HIRA: variants seen among roughly 807,000 people sequenced by gnomAD.
The protein encoded by HIRA is protein HIRA.
Under a neutral mutation model 126.6 loss-of-function variants are expected in HIRA, and 13 were observed. The ratio of observed to expected loss-of-function variants is 0.10; its 90% CI spans 0.07 to 0.16. The LOEUF is 0.16. Among genes scored for constraint, HIRA ranks in the 10% least tolerant of loss-of-function variants. HIRA has a pLI of 1.00. For synonymous variants in HIRA, 511 were observed against 520.0 expected (o/e 0.98, Z 0.24); for missense variants, 834 against 1,314.4 (o/e 0.63, Z 5.65).
At chr22:19,404,354 A>G (rs1180967777) in intron 5 of HIRA, among the ~76,000 whole-genome samples, 1 of 152,162 alleles carries the variant, frequency 6.6e-6, no homozygotes, top group Non-Finnish European at 1.5e-5. Flanking sequence ...AGGGCCTTGT[A>G]AAAGTCCTCA....
Position 19,414,549 on chromosome 22 carries a change from G to A in HIRA, c.38-3771C>T, listed in dbSNP as rs527592825. On this transcript the variant is annotated intron_variant, in intron 1 of 24. Transcript: ENST00000263208. ...AGCTGACTGGAACACATGTGCATAT[G>A]TCCTTTTGGAATGAAGCTTGGGAAA... Among the ~76,000 whole-genome samples, 3 of 152,328 alleles carry A rather than the reference G, an allele frequency of 2.0e-5. No individual in the cohort carries two copies. In the South Asian group the frequency reaches 6.2e-4, roughly 32 times the overall value.
chr22:19,427,220 C>T (rs887536158), intron 1 of HIRA, among the ~76,000 whole-genome samples: 13 of 152,194 alleles, frequency 8.5e-5, no homozygotes, highest in African/African-American at 3.1e-4. Flanking sequence ...CCCTGCCCAA[C>T]CCTGTTGTGA....
At chr22:19,379,958 G>T (rs2089057989) in intron 13 of HIRA, among the ~76,000 whole-genome samples, 1 of 152,004 alleles carries the variant, frequency 6.6e-6, no homozygotes, top group African/African-American at 2.4e-5. Context: ...ACAGGGGCGT[G>T]CCACCACGCC....
intron 7 of HIRA, among the ~76,000 whole-genome samples, chr22:19,395,216 G>C (rs575394750): frequency 1.3e-5 from 2 of 152,246 alleles, no homozygotes; most frequent in Non-Finnish European, 2.9e-5. Flanking sequence ...GTGGGCCCAG[G>C]GCAGCTCTAA....
chr22:19,431,319 C>T, intron 1 of HIRA, 121 bp downstream of exon 1: 1 of 1,165,260 alleles, frequency 8.6e-7, no homozygotes, highest in South Asian at 1.2e-5. Context: ...GGCTTCTTGG[C>T]TTGGGCACCG....
chr22:19,368,346 T>C (rs2146203657), intron 15 of HIRA, among the ~76,000 whole-genome samples: 1 of 152,314 alleles, frequency 6.6e-6, no homozygotes. Context: ...TCTAATGTCC[T>C]ACAACAGGGC....
chr22:19,331,380 T>G lies in HIRA; in HGVS notation c.*60A>C. The G allele has an allele frequency of 2.5e-6, 4 of 1,609,790 alleles. No homozygotes were observed. Among genetic ancestry groups the G allele is most frequent in the Non-Finnish European group, 2.5e-6 (3 of 1,179,396 alleles). On this transcript the variant is annotated 3_prime_UTR_variant, in exon 25 of 25. Transcript: ENST00000263208. ...TGGTCAGGTGAGAGGCGGTCCTGCATGTCATCAGCGGCGAGAGTGTGGCCC... is the reference window on the plus strand; with the variant it reads ...TGGTCAGGTGAGAGGCGGTCCTGCAGGTCATCAGCGGCGAGAGTGTGGCCC...
Position 19,394,427 on chromosome 22 carries a change from G to C in HIRA, c.737C>G (p.Ser246Ter). 6.2e-7 allele frequency: 1 copy of C among 1,614,100 alleles called. No homozygotes were observed. Among genetic ancestry groups the C allele is most frequent in the Non-Finnish European group, 8.5e-7 (1 of 1,180,016 alleles). ...TTCGATGATCTGGGCAGTGGGGCCT[G>C]AGTTGTTCATGGCATGGGCAGACAC... Reference protein sequence around the residue: ...YLVSAHAMNNSGPTAQIIERE... With the variant: ...YLVSAHAMNN Residue 246 changes from serine (S) to a stop codon, truncating the protein, a stop_gained, in exon 8 of 25, where the codon TCA becomes TGA. Transcript: ENST00000263208. LOFTEE classifies it high-confidence loss of function.
At chr22:19,404,792 G>C (rs916953921) in intron 5 of HIRA, among the ~76,000 whole-genome samples, 1 of 152,146 alleles carries the variant, frequency 6.6e-6, no homozygotes, top group Non-Finnish European at 1.5e-5. Context: ...TCTCAGCAGA[G>C]GTGATACCTC....
chr22:19,400,791 T>C (rs572485313), intron 5 of HIRA, among the ~76,000 whole-genome samples: 1 of 152,222 alleles, frequency 6.6e-6, no homozygotes, highest in Admixed American at 6.5e-5. Flanking sequence ...AATTCCTCCT[T>C]CCCTTCTGAT....
intron 24 of HIRA, among the ~76,000 whole-genome samples, chr22:19,340,579 C>T (rs782579096): frequency 3.9e-5 from 6 of 152,056 alleles, no homozygotes; most frequent in East Asian, 1.9e-4. Flanking sequence ...GTCAAAATAT[C>T]GCTGTTTGCC....
At chr22:19,374,949 T>C (rs891516160) in intron 15 of HIRA, among the ~76,000 whole-genome samples, 1 of 152,192 alleles carries the variant, frequency 6.6e-6, no homozygotes, top group Non-Finnish European at 1.5e-5. Context: ...ACTTAGCTCC[T>C]TGTCAAGCTA....
chr22:19,403,696 A>G (rs2089287337), intron 5 of HIRA, among the ~76,000 whole-genome samples: 1 of 152,104 alleles, frequency 6.6e-6, no homozygotes, highest in Non-Finnish European at 1.5e-5. Flanking sequence ...ATCTTTATTC[A>G]TATTATTCTA....
At chr22:19,399,698 A>G (rs1399908543) in intron 5 of HIRA, among the ~76,000 whole-genome samples, 1 of 152,250 alleles carries the variant, frequency 6.6e-6, no homozygotes, top group Non-Finnish European at 1.5e-5. Flanking sequence ...TTCTACATGC[A>G]GACTGTTTGC....
At chr22:19,356,837 C>T in intron 19 of HIRA, 53 bp downstream of exon 19, 10 of 1,574,086 alleles carry the variant, frequency 6.4e-6, no homozygotes, top group Non-Finnish European at 7.0e-6. Context: ...GGGGCCTACA[C>T]AGCCCTGTCC....
At chr22:19,371,018 G>A (rs2088959929) in intron 15 of HIRA, among the ~76,000 whole-genome samples, 1 of 152,090 alleles carries the variant, frequency 6.6e-6, no homozygotes, top group Non-Finnish European at 1.5e-5. Flanking sequence ...TCTCATTCAG[G>A]GTATGCACTA....
intron 15 of HIRA, among the ~76,000 whole-genome samples, chr22:19,367,368 ATTTT>A (rs34765416): frequency 4.3e-5 from 6 of 138,906 alleles, no homozygotes; most frequent in Non-Finnish European, 7.8e-5. Context: ...CCAATGTACC[ATTTT>A]TTTTTTTTTT....
chr22:19,413,595 CTATTTATT>C (rs376817979), intron 1 of HIRA, among the ~76,000 whole-genome samples: 3,842 of 143,740 alleles, frequency 0.027, 81 homozygotes, highest in Admixed American at 0.06. Flanking sequence ...GGGAATGAAA[CTATTTATT>C]TATTTATTTA....
intron 13 of HIRA, among the ~76,000 whole-genome samples, chr22:19,381,626 C>T (rs1304715962): frequency 2.6e-5 from 4 of 152,286 alleles, no homozygotes; most frequent in Middle Eastern, 3.4e-3. Context: ...AAACAAACCT[C>T]ACTTGGTCAT....
Sources: gnomAD v4.1 joint callset for allele counts (sites outside exome capture counted in the v4.1 genomes callset) on GRCh38, gnomAD v4.1.1 for gene constraint, MANE v1.5 for transcripts, NCBI Gene and HGNC (gene_info 2026-07-23, HGNC 2026-07-21) for gene names.